Variants in TRABD2A observed in about 807,000 individuals in gnomAD.
The protein encoded by TRABD2A is metalloprotease TIKI1.
In TRABD2A, 43 loss-of-function variants were observed where a neutral mutation model predicts 45.6. The observed-to-expected ratio is 0.94, with a 90% CI of 0.74 to 1.22. The LOEUF is 1.22. TRABD2A is among the 50% of genes most tolerant of loss of function. The pLI is 0.00. For missense variants in TRABD2A, 642 were observed against 652.4 expected, an observed-to-expected ratio of 0.98 and a Z score of 0.17; for synonymous variants, 269 against 265.0, an observed-to-expected ratio of 1.02 and a Z score of -0.15.
chr2:84,865,425 A>C (rs1024795828), intron 2 of TRABD2A, among the ~76,000 whole-genome samples: 1 of 152,258 alleles, frequency 6.6e-6, no homozygotes, highest in Non-Finnish European at 1.5e-5. Context: ...CCTCAGCGTC[A>C]ACTCTGGGGT....
intron 2 of TRABD2A, among the ~76,000 whole-genome samples, chr2:84,845,743 C>T (rs116572601): frequency 0.026 from 3,932 of 152,252 alleles, 85 homozygotes; most frequent in South Asian, 0.056. Context: ...AGGCAAGTCA[C>T]AGTACTAAAT....
intron 4 of TRABD2A, chr2:84,833,919 G>A (rs72926828): frequency 0.055 from 8,367 of 152,484 alleles, 744 homozygotes; most frequent in African/African-American, 0.19. Flanking sequence ...CCCACCCACC[G>A]AACTGCTCAG....
At chr2:84,823,846 G>T (rs1233405679) in intron 6 of TRABD2A, 107 bp downstream of exon 6, 2 of 1,464,800 alleles carry the variant, frequency 1.4e-6, no homozygotes, top group Admixed American at 4.8e-5. Flanking sequence ...AAAGGGAAAG[G>T]TTGCTCCATG....
chr2:84,824,546 CTTTT>C (rs33984190), intron 5 of TRABD2A, among the ~76,000 whole-genome samples: 23 of 106,100 alleles, frequency 2.2e-4, no homozygotes, highest in South Asian at 3.3e-4. Flanking sequence ...ACAATTATAG[CTTTT>C]TTTTTTTTTT....
intron 5 of TRABD2A, among the ~76,000 whole-genome samples, chr2:84,825,429 G>A (rs1315768194): frequency 1.3e-5 from 2 of 152,124 alleles, no homozygotes; most frequent in African/African-American, 2.4e-5. Context: ...TCCTAAAATG[G>A]CAAAGGATTA....
intron 2 of TRABD2A, 118 bp from the exon 3 acceptor site, chr2:84,842,125 T>C: frequency 9.3e-7 from 1 of 1,080,512 alleles, no homozygotes; most frequent in Non-Finnish European, 1.3e-6. Context: ...AGGACGTGGA[T>C]AGTGCTACTT....
Position 84,821,928 on chromosome 2 carries a change from G to A in TRABD2A, c.1507C>T (p.Pro503Ser), listed in dbSNP as rs1436800397. Reference protein sequence around the residue: ...VLVLAFQTETPLL With the variant: ...VLVLAFQTETSLL The stretch of plus-strand genomic sequence containing the variant: ...GGTGCTTCCAGTCGTTACAGGAGGG[G>A]TGTCTCTGTTTGGAAAGCCAGCACC... The change falls in exon 7 of 7, where the codon CCC (proline) becomes TCC (serine). Residue 503 changes from proline (P) to serine (S), a missense_variant. Coordinates refer to ENST00000409520, the MANE Select transcript of TRABD2A (RefSeq NM_001277053.2). 2 of 1,601,010 alleles carry A rather than the reference G, an allele frequency of 1.2e-6. No homozygotes were observed. The highest frequency in any genetic ancestry group is 1.1e-5 in the South Asian group (1 of 88,096).
intron 6 of TRABD2A, 56 bp downstream of exon 6, chr2:84,823,897 G>A: frequency 1.3e-6 from 2 of 1,595,182 alleles, no homozygotes; most frequent in Non-Finnish European, 1.7e-6. Flanking sequence ...GGCATTCCTG[G>A]GTCCGCTCAC....
intron 2 of TRABD2A, among the ~76,000 whole-genome samples, chr2:84,851,847 A>T (rs1387518490): frequency 1.3e-5 from 2 of 152,226 alleles, no homozygotes; most frequent in East Asian, 3.8e-4. Flanking sequence ...CATAAATGGG[A>T]TTCCTACATT....
intron 1 of TRABD2A, among the ~76,000 whole-genome samples, chr2:84,878,507 A>G (rs1475831680): frequency 6.7e-6 from 1 of 150,124 alleles, no homozygotes; most frequent in East Asian, 1.9e-4. Context: ...CCTGGGTGAC[A>G]GATAGAGCAA....
chr2:84,860,011 G>A (rs1559094584), intron 2 of TRABD2A, among the ~76,000 whole-genome samples: 1 of 151,936 alleles, frequency 6.6e-6, no homozygotes. Flanking sequence ...AGTGAACTTT[G>A]CTATAAGAGA....
intron 2 of TRABD2A, chr2:84,850,780 T>C (rs1274739860): frequency 2.0e-5 from 3 of 152,252 alleles, no homozygotes; most frequent in African/African-American, 2.4e-5. Flanking sequence ...ATTATCCTGA[T>C]TAGCAAAAGA....
chr2:84,846,256 C>A (rs1231490879), intron 2 of TRABD2A, among the ~76,000 whole-genome samples: 3 of 152,172 alleles, frequency 2.0e-5, no homozygotes, highest in East Asian at 1.9e-4. Context: ...CTTTTTAAAT[C>A]TCTAGCATGA....
At chr2:84,838,947 TCATCCAGCAACATTTCAA>T (rs2105379620) in intron 4 of TRABD2A, 184 bp downstream of exon 4, 1 of 571,204 alleles carries the variant, frequency 1.8e-6, no homozygotes, top group African/African-American at 1.9e-5. Context: ...ATGCACCAGC[TCATCCAGCAACATTTCAA>T]CCATGCTGGA....
intron 5 of TRABD2A, among the ~76,000 whole-genome samples, chr2:84,828,985 A>G (rs1350641028): frequency 1.3e-5 from 2 of 152,130 alleles, no homozygotes; most frequent in East Asian, 3.9e-4. Context: ...GAACAAAGAC[A>G]GAGGCTAGGA....
intron 1 of TRABD2A, among the ~76,000 whole-genome samples, chr2:84,876,941 C>T (rs1683042485): frequency 6.6e-6 from 1 of 152,202 alleles, no homozygotes; most frequent in Admixed American, 6.5e-5. Context: ...TATTCACCTT[C>T]ATATCCCCAA....
intron 1 of TRABD2A, 50 bp from the exon 2 acceptor site, chr2:84,870,835 G>A: frequency 2.1e-6 from 3 of 1,454,878 alleles, no homozygotes; most frequent in Non-Finnish European, 2.8e-6. Flanking sequence ...GAGAGGCATG[G>A]TCAGGAACCT....
At chr2:84,824,773 T>C (rs951436496) in intron 5 of TRABD2A, among the ~76,000 whole-genome samples, 1 of 152,166 alleles carries the variant, frequency 6.6e-6, no homozygotes, top group Non-Finnish European at 1.5e-5. Flanking sequence ...ACCACTGAAG[T>C]AGCTCTTAAC....
At chr2:84,859,456 G>A (rs1023343395) in intron 2 of TRABD2A, among the ~76,000 whole-genome samples, 2 of 152,152 alleles carry the variant, frequency 1.3e-5, no homozygotes, top group Admixed American at 1.3e-4. Flanking sequence ...ATAAACATCT[G>A]GAAAGTTAAT....
Sources: gnomAD v4.1 joint callset for allele counts (sites outside exome capture counted in the v4.1 genomes callset) on GRCh38, gnomAD v4.1.1 for gene constraint, MANE v1.5 for transcripts, NCBI Gene and HGNC (gene_info 2026-07-23, HGNC 2026-07-21) for gene names.